Variants in ATP8A2 observed in about 807,000 individuals in gnomAD.
The protein encoded by ATP8A2 is ATPase phospholipid transporting 8A2.
ATP8A2 carries 100 observed loss-of-function variants against 165.6 expected under a neutral mutation model. The ratio of observed to expected loss-of-function variants is 0.60; its 90% CI spans 0.51 to 0.71. ATP8A2 has a LOEUF of 0.71. Among genes scored for constraint, ATP8A2 ranks in the 30% least tolerant of loss-of-function variants. ATP8A2 has a pLI of 0.00. For missense variants in ATP8A2, 1,227 were observed against 1,479.5 expected, an observed-to-expected ratio of 0.83 and a Z score of 2.80; for synonymous variants, 543 against 548.8, an observed-to-expected ratio of 0.99 and a Z score of 0.15.
chr13:25,729,435 A>T (rs2043567400), intron 25 of ATP8A2, among the ~76,000 whole-genome samples: 1 of 152,216 alleles, frequency 6.6e-6, no homozygotes, highest in Non-Finnish European at 1.5e-5. Flanking sequence ...TTTAACCCTG[A>T]TTCATACCTT....
intron 27 of ATP8A2, among the ~76,000 whole-genome samples, chr13:25,815,402 A>G (rs1950986859): frequency 6.6e-6 from 1 of 152,216 alleles, no homozygotes; most frequent in South Asian, 2.1e-4. Context: ...CATTTCTCCA[A>G]AGAAGATATG....
chr13:25,448,527 A>G (rs2035129403), intron 1 of ATP8A2, among the ~76,000 whole-genome samples: 1 of 152,214 alleles, frequency 6.6e-6, no homozygotes, highest in African/African-American at 2.4e-5. Flanking sequence ...GTCATATTTT[A>G]TAACATGTTT....
At chr13:25,798,168 C>T (rs1284314219) in intron 27 of ATP8A2, among the ~76,000 whole-genome samples, 1 of 152,142 alleles carries the variant, frequency 6.6e-6, no homozygotes, top group African/African-American at 2.4e-5. Context: ...TAATGGCCAC[C>T]ATGTGTCACA....
chr13:25,711,806 A>G (rs1244172058), intron 25 of ATP8A2, among the ~76,000 whole-genome samples: 1 of 152,190 alleles, frequency 6.6e-6, no homozygotes, highest in Non-Finnish European at 1.5e-5. Flanking sequence ...TGTAATTCTT[A>G]GTGACTGACT....
chr13:25,792,803 C>G (rs2045212070), intron 27 of ATP8A2, among the ~76,000 whole-genome samples: 1 of 151,588 alleles, frequency 6.6e-6, no homozygotes, highest in African/African-American at 2.4e-5. Context: ...GCCTGTAGTC[C>G]TAGCTAGCTC....
At chr13:25,738,238 G>A (rs1002157658) in intron 25 of ATP8A2, among the ~76,000 whole-genome samples, 11 of 152,022 alleles carry the variant, frequency 7.2e-5, no homozygotes, top group Admixed American at 5.9e-4. Flanking sequence ...TAGAGTAACT[G>A]TAACATAAAC....
At chr13:25,459,780 G>A (rs2035457561) in intron 1 of ATP8A2, among the ~76,000 whole-genome samples, 1 of 152,182 alleles carries the variant, frequency 6.6e-6, no homozygotes, top group Non-Finnish European at 1.5e-5. Context: ...GAGGAAAGAA[G>A]GTCATCATGG....
chr13:25,940,032 G>A (rs186136060), intron 33 of ATP8A2, among the ~76,000 whole-genome samples: 63 of 152,268 alleles, frequency 4.1e-4, no homozygotes, highest in African/African-American at 1.5e-3. Context: ...AACGTGAAAG[G>A]ATGTGGATCC....
intron 1 of ATP8A2, among the ~76,000 whole-genome samples, chr13:25,407,951 T>A (rs2033852645): frequency 6.6e-6 from 1 of 152,000 alleles, no homozygotes; most frequent in South Asian, 2.1e-4. Context: ...TTAGGACAAA[T>A]ACATAATGCA....
At chr13:25,418,215 T>G (rs1408298392) in intron 1 of ATP8A2, among the ~76,000 whole-genome samples, 2 of 152,164 alleles carry the variant, frequency 1.3e-5, no homozygotes, top group African/African-American at 4.8e-5. Flanking sequence ...GGACTCTGTA[T>G]CAAAAGATCC....
intron 33 of ATP8A2, among the ~76,000 whole-genome samples, chr13:25,893,098 G>A (rs1171257779): frequency 1.3e-5 from 2 of 151,166 alleles, no homozygotes; most frequent in African/African-American, 4.9e-5. Flanking sequence ...TGTGCACAAC[G>A]TGCAGGTTTG....
intron 33 of ATP8A2, among the ~76,000 whole-genome samples, chr13:25,920,752 A>AT (rs561667398): frequency 6.6e-6 from 1 of 151,946 alleles, no homozygotes; most frequent in Non-Finnish European, 1.5e-5. Flanking sequence ...ACATTTCTTT[A>AT]TTTTGCTTTT....
intron 1 of ATP8A2, among the ~76,000 whole-genome samples, chr13:25,426,338 C>T (rs1462693039): frequency 1.3e-5 from 2 of 152,076 alleles, no homozygotes; most frequent in Non-Finnish European, 2.9e-5. Flanking sequence ...GGGGAGGTGC[C>T]ACACACTTTT....
chr13:25,729,930 A>G (rs1011009009), intron 25 of ATP8A2, among the ~76,000 whole-genome samples: 1 of 152,164 alleles, frequency 6.6e-6, no homozygotes, highest in Non-Finnish European at 1.5e-5. Flanking sequence ...GATAATGTGC[A>G]TTCTGCCAGA....
At chr13:25,833,415 T>C (rs1484006872) in intron 28 of ATP8A2, among the ~76,000 whole-genome samples, 1 of 152,058 alleles carries the variant, frequency 6.6e-6, no homozygotes, top group Non-Finnish European at 1.5e-5. Flanking sequence ...TAAAGCATGC[T>C]CAAAAAAAGA....
chr13:25,718,147 C>T (rs893594660), intron 25 of ATP8A2, among the ~76,000 whole-genome samples: 2 of 151,948 alleles, frequency 1.3e-5, no homozygotes, highest in Non-Finnish European at 2.9e-5. Context: ...ATTTGTGTGG[C>T]GTGGTGGCCT....
intron 25 of ATP8A2, among the ~76,000 whole-genome samples, chr13:25,748,897 G>GC (rs1298145321): frequency 6.6e-6 from 1 of 152,082 alleles, no homozygotes; most frequent in Non-Finnish European, 1.5e-5. Context: ...TGTAAAGAGT[G>GC]CCCCCCATCA....
At chr13:25,385,984 C>A (rs1007781329) in intron 1 of ATP8A2, among the ~76,000 whole-genome samples, 1 of 151,114 alleles carries the variant, frequency 6.6e-6, no homozygotes, top group Non-Finnish European at 1.5e-5. Context: ...TCGACCTTAG[C>A]GGTACACTGC....
At chr13:25,842,410 C>T (rs1332272957) in intron 30 of ATP8A2, among the ~76,000 whole-genome samples, 1 of 152,180 alleles carries the variant, frequency 6.6e-6, no homozygotes, top group Non-Finnish European at 1.5e-5. Flanking sequence ...CGTGGTGTCT[C>T]ACGCCTATAA....
Sources: allele counts gnomAD v4.1 joint callset (sites outside exome capture counted in the v4.1 genomes callset), GRCh38; gene constraint gnomAD v4.1.1; transcripts MANE v1.5; gene names NCBI Gene and HGNC (gene_info 2026-07-23, HGNC 2026-07-21).